WWOX: variants seen among roughly 807,000 people sequenced by gnomAD.
WWOX encodes the protein WW domain containing oxidoreductase, also known as WW domain-containing oxidoreductase.
Under a neutral mutation model 46.2 loss-of-function variants are expected in WWOX, and 69 were observed. The ratio of observed to expected loss-of-function variants is 1.49; its 90% CI spans 1.23 to 1.82. WWOX has a LOEUF of 1.82. WWOX is among the 40% of genes most tolerant of loss of function. WWOX has a pLI of 0.00. For missense variants in WWOX, 919 were observed against 542.6 expected (o/e 1.69, Z -6.89); for synonymous variants, 359 against 202.6 (o/e 1.77, Z -6.56).
In WWOX at chr16:78,952,972, C is replaced by A. The variant is rs138385090; in HGVS notation, c.1057-258636C>A. ...CAGCAAAGGCTTCAGCAAAACCACA[C>A]AATGCTCATGAAAAATCACGCATTT... On this transcript the variant is annotated intron_variant, in intron 8 of 8. Transcript: ENST00000566780. 1.5e-4 allele frequency among the ~76,000 whole-genome samples: 23 copies of A among 151,688 alleles called. No individual in the cohort carries two copies. The East Asian group carries it at 2.9e-3, about 19-fold the overall frequency.
intron 8 of WWOX, among the ~76,000 whole-genome samples, chr16:78,609,308 T>C (rs1162027760): frequency 6.6e-6 from 1 of 152,212 alleles, no homozygotes; most frequent in African/African-American, 2.4e-5. Flanking sequence ...TTTTCTTTGA[T>C]AACCTCATTT....
intron 8 of WWOX, among the ~76,000 whole-genome samples, chr16:78,953,065 T>C (rs1597199199): frequency 6.6e-6 from 1 of 151,828 alleles, no homozygotes. Flanking sequence ...ATGGTGGTGG[T>C]GGACAATCTG....
intron 5 of WWOX, chr16:78,355,705 T>C: frequency 1.3e-6 from 1 of 743,280 alleles, no homozygotes; most frequent in Non-Finnish European, 2.3e-6. Flanking sequence ...TGGAAGAAAC[T>C]GTGACTACTA....
chr16:78,920,598 A>G (rs2151268959), intron 8 of WWOX, among the ~76,000 whole-genome samples: 1 of 152,126 alleles, frequency 6.6e-6, no homozygotes, highest in Non-Finnish European at 1.5e-5. Flanking sequence ...AAATGTTCCT[A>G]ATTTTACTCA....
chr16:78,639,099 C>G (rs1216578662), intron 8 of WWOX, among the ~76,000 whole-genome samples: 1 of 152,198 alleles, frequency 6.6e-6, no homozygotes, highest in South Asian at 2.1e-4. Context: ...GACCAGTCTC[C>G]TGTCCCATAC....
chr16:78,668,522 G>A (rs2047386285), intron 8 of WWOX, among the ~76,000 whole-genome samples: 1 of 152,156 alleles, frequency 6.6e-6, no homozygotes. Context: ...GTAAGAACAA[G>A]CAGGAACAAA....
chr16:78,888,872 G>T (rs958342276), intron 8 of WWOX, among the ~76,000 whole-genome samples: 1 of 151,764 alleles, frequency 6.6e-6, no homozygotes, highest in African/African-American at 2.4e-5. Context: ...CAGTATTTCT[G>T]TTTACTCGAT....
intron 8 of WWOX, among the ~76,000 whole-genome samples, chr16:79,141,552 A>G (rs74038106): frequency 0.026 from 3,915 of 152,352 alleles, 187 homozygotes; most frequent in African/African-American, 0.09. Flanking sequence ...AGGAAGTTTT[A>G]CCAGCTCTTT....
intron 8 of WWOX, among the ~76,000 whole-genome samples, chr16:78,936,581 A>G (rs1555572221): frequency 1.3e-5 from 2 of 152,128 alleles, no homozygotes; most frequent in Non-Finnish European, 1.5e-5. Context: ...GGACGTCTCA[A>G]ATTTCTGGCT....
chr16:78,663,695 T>C (rs1202618826), intron 8 of WWOX, among the ~76,000 whole-genome samples: 1 of 152,110 alleles, frequency 6.6e-6, no homozygotes, highest in Non-Finnish European at 1.5e-5. Context: ...TAAATAAAAA[T>C]AAAGTAGGGA....
At chr16:78,494,477 CAA>C (rs2084861049) in intron 8 of WWOX, among the ~76,000 whole-genome samples, 3 of 62,508 alleles carry the variant, frequency 4.8e-5, no homozygotes, top group Non-Finnish European at 1.6e-4. Context: ...AAGATTGATA[CAA>C]ACACAAGCAT....
chr16:79,122,682 G>C (rs535310986), intron 8 of WWOX, among the ~76,000 whole-genome samples: 2 of 151,598 alleles, frequency 1.3e-5, no homozygotes, highest in Non-Finnish European at 2.9e-5. Context: ...GGGTCTGCTC[G>C]CAGGAAATAA....
intron 5 of WWOX, among the ~76,000 whole-genome samples, chr16:78,303,237 CTTTTTCTGATAGACAAAGTAAAGTATAAA>C (rs1303294539): frequency 6.6e-6 from 1 of 152,100 alleles, no homozygotes; most frequent in African/African-American, 2.4e-5. Flanking sequence ...ATGACAAATT[CTTTTTCTGATAGACAAAGTAAAGTATAAA>C]TAAATAAGAC....
At chr16:78,747,865 C>G (rs1011184493) in intron 8 of WWOX, among the ~76,000 whole-genome samples, 2 of 152,184 alleles carry the variant, frequency 1.3e-5, no homozygotes, top group African/African-American at 4.8e-5. Flanking sequence ...TAATCTTTCT[C>G]TCTGCCTCAG....
chr16:78,532,023 A>G (rs1179471447), intron 8 of WWOX, among the ~76,000 whole-genome samples: 1 of 151,608 alleles, frequency 6.6e-6, no homozygotes, highest in African/African-American at 2.4e-5. Context: ...AGTTAGAGAC[A>G]GGATCTGTAG....
chr16:78,193,014 G>T (rs1426087179), intron 5 of WWOX, among the ~76,000 whole-genome samples: 1 of 152,230 alleles, frequency 6.6e-6, no homozygotes, highest in Non-Finnish European at 1.5e-5. Context: ...TGGCTCCACA[G>T]TCACGGGTGG....
rs11289222 is a variant in WWOX at position 78,333,043 on chromosome 16, CTTTTTTTTTTT to C, written c.517-53803_517-53793del. ...CTGAGTAGCATGGAAGAGCATTATA[CTTTTTTTTTTT>C]TTTTTTTTTTTTTGAGACAGAGTCT... On this transcript the variant is annotated intron_variant, in intron 5 of 8. Coordinates refer to ENST00000566780, the MANE Select transcript of WWOX (RefSeq NM_016373.4). Among the ~76,000 whole-genome samples, 28 of 57,126 alleles carry C rather than the reference CTTTTTTTTTTT, an allele frequency of 4.9e-4. 1 individual carries two copies. Among genetic ancestry groups the C allele is most frequent in the African/African-American group, 1.3e-3 (24 of 18,512 alleles). 37.5% of individuals were successfully genotyped at this position (57,126 alleles called of 152,430 possible). A position where few individuals can be genotyped will look rare whatever the true frequency, so the allele number is the denominator to read the frequency against.
intron 8 of WWOX, among the ~76,000 whole-genome samples, chr16:78,633,842 C>T (rs754564976): frequency 6.6e-6 from 1 of 152,022 alleles, no homozygotes; most frequent in African/African-American, 2.4e-5. Context: ...ACCTGTTTTC[C>T]TTCCCACTCA....
intron 4 of WWOX, among the ~76,000 whole-genome samples, chr16:78,152,184 C>T (rs539132613): frequency 7.9e-4 from 106 of 134,826 alleles, no homozygotes; most frequent in African/African-American, 2.7e-3. Context: ...AGCGAGACTC[C>T]GTCTCAAGAG....
Sources: gnomAD v4.1 joint callset for allele counts (sites outside exome capture counted in the v4.1 genomes callset) on GRCh38, gnomAD v4.1.1 for gene constraint, MANE v1.5 for transcripts, NCBI Gene and HGNC (gene_info 2026-07-23, HGNC 2026-07-21) for gene names.